The following GLCCI1 variants were observed in gnomAD, a reference collection of about 807,000 sequenced individuals.
The protein encoded by GLCCI1 is glucocorticoid induced 1, also known as glucocorticoid-induced transcript 1 protein.
Under a neutral mutation model 52.2 loss-of-function variants are expected in GLCCI1, and 24 were observed. The observed-to-expected ratio is 0.46, with a 90% CI of 0.33 to 0.65. The LOEUF is 0.65. Among genes scored for constraint, GLCCI1 ranks in the 30% least tolerant of loss-of-function variants. The probability of loss-of-function intolerance (pLI) is 0.02; values close to 1 mark genes in which losing one functional copy is unlikely to be tolerated. For missense variants in GLCCI1, 704 were observed against 701.5 expected, an observed-to-expected ratio of 1.00 and a Z score of -0.04; for synonymous variants, 310 against 276.5, an observed-to-expected ratio of 1.12 and a Z score of -1.20.
At chr7:8,077,644 T>TTTTTAG (rs1202198575) in intron 6 of GLCCI1, among the ~76,000 whole-genome samples, 1 of 151,814 alleles carries the variant, frequency 6.6e-6, no homozygotes, top group Non-Finnish European at 1.5e-5. Flanking sequence ...GGTGATTTTA[T>TTTTTAG]TATTTCCAAT....
At chr7:8,082,027 A>G (rs373028565) in intron 6 of GLCCI1, among the ~76,000 whole-genome samples, 17 of 152,354 alleles carry the variant, frequency 1.1e-4, no homozygotes, top group African/African-American at 3.8e-4. Context: ...CCGGAATACC[A>G]GAATGAGAAA....
intron 3 of GLCCI1, among the ~76,000 whole-genome samples, chr7:8,039,151 G>A (rs978483824): frequency 1.3e-5 from 2 of 152,114 alleles, no homozygotes; most frequent in African/African-American, 2.4e-5. Flanking sequence ...CACCATTAGT[G>A]AGAATGTAAA....
chr7:7,998,814 T>G (rs1780996255), intron 1 of GLCCI1, among the ~76,000 whole-genome samples: 1 of 152,318 alleles, frequency 6.6e-6, no homozygotes, highest in Non-Finnish European at 1.5e-5. Context: ...TGGTTGACTT[T>G]TTTGCAGCAG....
At chr7:8,048,262 C>G (rs1782178921) in intron 3 of GLCCI1, among the ~76,000 whole-genome samples, 1 of 151,944 alleles carries the variant, frequency 6.6e-6, no homozygotes, top group South Asian at 2.1e-4. Context: ...TCTCTCTTAG[C>G]CTCTAAAATT....
chr7:7,996,107 A>T (rs1384877952), intron 1 of GLCCI1, among the ~76,000 whole-genome samples: 1 of 152,184 alleles, frequency 6.6e-6, no homozygotes, highest in Non-Finnish European at 1.5e-5. Context: ...AATTTTGTGA[A>T]ATATTGTTTT....
intron 3 of GLCCI1, among the ~76,000 whole-genome samples, chr7:8,035,981 C>A (rs1340853818): frequency 6.6e-6 from 1 of 152,228 alleles, no homozygotes; most frequent in Non-Finnish European, 1.5e-5. Context: ...GAGCAGAGAT[C>A]TCAGGCTACT....
intron 6 of GLCCI1, among the ~76,000 whole-genome samples, chr7:8,072,373 CTCTT>C (rs1424630740): frequency 6.6e-6 from 1 of 152,074 alleles, no homozygotes; most frequent in Middle Eastern, 3.2e-3. Flanking sequence ...TTCTTGTTGA[CTCTT>C]TCATTACTGA....
Position 8,022,523 on chromosome 7 carries a change from C to CA in GLCCI1, c.651dup (p.His218ThrfsTer11), listed in dbSNP as rs1562431619. ...GCAGAAGAGGGTGCAGAAAAGAGGT[C>CA]ACATCAGCGTTCTGCGTCATGGGGG... On this transcript the variant is annotated frameshift_variant, in exon 3 of 8. Coordinates refer to ENST00000223145, the MANE Select transcript of GLCCI1 (RefSeq NM_138426.4). LOFTEE classifies it high-confidence loss of function. 6.3e-7 allele frequency: 1 copy of CA among 1,587,760 alleles called. No homozygotes were observed.
At chr7:7,980,916 C>A in intron 1 of GLCCI1, 1 of 606,986 alleles carries the variant, frequency 1.6e-6, no homozygotes. Flanking sequence ...ATTTATTAAT[C>A]CCTGATCAAT....
intron 3 of GLCCI1, among the ~76,000 whole-genome samples, chr7:8,048,735 G>A (rs1782191866): frequency 6.6e-6 from 1 of 152,098 alleles, no homozygotes; most frequent in Admixed American, 6.6e-5. Flanking sequence ...TTAGAGACAG[G>A]TGACTTTATT....
intron 3 of GLCCI1, among the ~76,000 whole-genome samples, chr7:8,051,105 A>C (rs1012926138): frequency 1.3e-5 from 2 of 152,234 alleles, no homozygotes; most frequent in Admixed American, 1.3e-4. Context: ...GTGCATCATC[A>C]GAGCATTTTC....
intron 3 of GLCCI1, among the ~76,000 whole-genome samples, chr7:8,027,883 T>C (rs1781657181): frequency 6.6e-6 from 1 of 152,220 alleles, no homozygotes; most frequent in Non-Finnish European, 1.5e-5. Flanking sequence ...GGTCATTGTA[T>C]AATGATAAAA....
intron 1 of GLCCI1, among the ~76,000 whole-genome samples, chr7:8,000,551 C>G (rs923186218): frequency 6.6e-6 from 1 of 151,972 alleles, no homozygotes; most frequent in African/African-American, 2.4e-5. Context: ...CTTTTACAAC[C>G]AGAAGGCTCG....
Position 7,989,496 on chromosome 7 carries a change from A to G in GLCCI1, c.458-14412A>G, listed in dbSNP as rs147099390. Among the ~76,000 whole-genome samples, 5 of 152,244 alleles carry G rather than the reference A, an allele frequency of 3.3e-5. No individual in the cohort carries two copies. The East Asian group carries it at 9.6e-4, about 29-fold the overall frequency. On this transcript the variant is annotated intron_variant, in intron 1 of 7. Coordinates refer to ENST00000223145, the MANE Select transcript of GLCCI1 (RefSeq NM_138426.4). ...CAAGTTGTTTTTTTCACTGTCTTGT[A>G]CTTTATTCACAGTGATTTTAGATGA...
chr7:8,082,857 A>T (rs777696583), intron 6 of GLCCI1, among the ~76,000 whole-genome samples: 1 of 152,266 alleles, frequency 6.6e-6, no homozygotes, highest in African/African-American at 2.4e-5. Flanking sequence ...GTTATGAGAA[A>T]GTCCTTTGAA....
intron 3 of GLCCI1, among the ~76,000 whole-genome samples, chr7:8,045,027 G>C (rs1427146900): frequency 6.6e-6 from 1 of 152,050 alleles, no homozygotes; most frequent in African/African-American, 2.4e-5. Flanking sequence ...ACAGAAACAA[G>C]AATTAAGTCC....
chr7:8,079,440 C>T (rs1049423704), intron 6 of GLCCI1, among the ~76,000 whole-genome samples: 1 of 151,466 alleles, frequency 6.6e-6, no homozygotes, highest in African/African-American at 2.5e-5. Context: ...TTTAGTTTTA[C>T]CATTAAGATT....
At chr7:8,024,527 T>C (rs1218848534) in intron 3 of GLCCI1, among the ~76,000 whole-genome samples, 1 of 152,218 alleles carries the variant, frequency 6.6e-6, no homozygotes, top group Admixed American at 6.5e-5. Context: ...ACGCCAGATA[T>C]TAATTTGAAT....
intron 5 of GLCCI1, among the ~76,000 whole-genome samples, chr7:8,067,204 C>G (rs778674205): frequency 1.3e-5 from 2 of 152,076 alleles, no homozygotes; most frequent in Non-Finnish European, 2.9e-5. Context: ...AGCAATCTTG[C>G]TTTTTTTCAG....
Sources: allele counts gnomAD v4.1 joint callset (sites outside exome capture counted in the v4.1 genomes callset), GRCh38; gene constraint gnomAD v4.1.1; transcripts MANE v1.5; gene names NCBI Gene and HGNC (gene_info 2026-07-23, HGNC 2026-07-21).